RMDN2: variants seen among roughly 807,000 people sequenced by gnomAD.
RMDN2 encodes the protein regulator of microtubule dynamics protein 2.
A neutral mutation model predicts 52.8 loss-of-function variants in RMDN2; 61 were observed. That is an observed-to-expected ratio of 1.16 (90% CI 0.94 to 1.43). The LOEUF (loss-of-function observed/expected upper bound fraction) is 1.43, where lower values mean the gene tolerates loss of function less well. RMDN2 is among the 40% of genes most tolerant of loss of function. The pLI, the probability that RMDN2 is intolerant of heterozygous loss-of-function variation, is 0.00. For missense variants in RMDN2, 592 were observed against 475.3 expected, an observed-to-expected ratio of 1.25 and a Z score of -2.28; for synonymous variants, 180 against 153.1, an observed-to-expected ratio of 1.18 and a Z score of -1.30.
chr2:37,945,510 C>T (rs1025864043), intron 2 of RMDN2, among the ~76,000 whole-genome samples: 6 of 152,142 alleles, frequency 3.9e-5, no homozygotes, highest in African/African-American at 1.2e-4. Flanking sequence ...CTGGGTACCC[C>T]GATACCTTGG....
At chr2:38,012,853 C>T (rs148660926) in intron 10 of RMDN2, among the ~76,000 whole-genome samples, 56 of 152,346 alleles carry the variant, frequency 3.7e-4, no homozygotes, top group African/African-American at 1.2e-3. Flanking sequence ...TTTACTCTCT[C>T]GTGTGACATT....
intron 2 of RMDN2, 40 bp from the exon 3 acceptor site, chr2:37,974,000 T>A: frequency 3.3e-6 from 5 of 1,510,340 alleles, no homozygotes; most frequent in Non-Finnish European, 4.6e-6. Flanking sequence ...CTATTATACT[T>A]AACTTTCAAA....
chr2:37,996,604 A>G (rs950192035), intron 7 of RMDN2, among the ~76,000 whole-genome samples: 5 of 36,138 alleles, frequency 1.4e-4, no homozygotes, highest in Non-Finnish European at 1.9e-4. Context: ...AAAAAAAGAA[A>G]AAAAAAAAAA....
intron 2 of RMDN2, among the ~76,000 whole-genome samples, chr2:37,948,857 G>T (rs765163303): frequency 2.0e-5 from 3 of 152,038 alleles, no homozygotes; most frequent in Admixed American, 1.3e-4. Flanking sequence ...TTATTACCTC[G>T]ACTGAGCAGC....
chr2:37,997,684 G>T (rs1337387408), intron 8 of RMDN2, 170 bp downstream of exon 8: 2 of 584,164 alleles, frequency 3.4e-6, no homozygotes, highest in Admixed American at 6.1e-5. Flanking sequence ...TATGTTTTAA[G>T]TCTAAACTCC....
downstream of RMDN2, among the ~76,000 whole-genome samples, chr2:38,021,951 A>G (rs1288404111): frequency 6.6e-6 from 1 of 152,190 alleles, no homozygotes; most frequent in Admixed American, 6.5e-5. Flanking sequence ...TACATAGGAT[A>G]TTTTGTCAAT....
At chr2:37,936,913 C>G (rs536264376) in intron 2 of RMDN2, among the ~76,000 whole-genome samples, 1 of 152,292 alleles carries the variant, frequency 6.6e-6, no homozygotes, top group East Asian at 1.9e-4. Context: ...TCCCATTTGT[C>G]AATTTTGGCT....
At chr2:37,948,170 A>G (rs1425062815) in intron 2 of RMDN2, among the ~76,000 whole-genome samples, 6 of 152,180 alleles carry the variant, frequency 3.9e-5, no homozygotes, top group Non-Finnish European at 8.8e-5. Context: ...TTCTTAGGAC[A>G]TACCCCGGAC....
intron 10 of RMDN2, among the ~76,000 whole-genome samples, chr2:38,065,067 G>T (rs1682212447): frequency 6.6e-6 from 1 of 152,112 alleles, no homozygotes; most frequent in Admixed American, 6.6e-5. Flanking sequence ...CATCATTTAG[G>T]GGCTCACAAA....
At chr2:37,998,078 T>A (rs1310551421) in intron 8 of RMDN2, 1 of 152,454 alleles carries the variant, frequency 6.6e-6, no homozygotes, top group Non-Finnish European at 1.5e-5. Context: ...AATATATGTG[T>A]GTGTGAGCTC....
At chr2:38,035,506 G>A (rs777024682) in intron 10 of RMDN2, among the ~76,000 whole-genome samples, 2 of 151,960 alleles carry the variant, frequency 1.3e-5, no homozygotes, top group Non-Finnish European at 2.9e-5. Context: ...AAGCAATGAG[G>A]GGCAACAATA....
At chr2:37,940,110 G>A (rs1210321344) in intron 2 of RMDN2, among the ~76,000 whole-genome samples, 1 of 152,176 alleles carries the variant, frequency 6.6e-6, no homozygotes, top group Non-Finnish European at 1.5e-5. Context: ...TTGCTTGTCT[G>A]TAAAGGGTTT....
intron 10 of RMDN2, 151 bp downstream of exon 10, chr2:38,004,367 A>G (rs1410463268): frequency 1.6e-6 from 1 of 620,704 alleles, no homozygotes; most frequent in Non-Finnish European, 2.8e-6. Context: ...ATAATTGACA[A>G]AAACTATATG....
At chr2:38,061,981 C>G (rs1682071357) in intron 10 of RMDN2, among the ~76,000 whole-genome samples, 2 of 152,224 alleles carry the variant, frequency 1.3e-5, no homozygotes, top group Non-Finnish European at 2.9e-5. Flanking sequence ...ATCTCTAGGC[C>G]TGACCTTCTT....
At chr2:37,934,637 AC>A (rs1667137726) in intron 2 of RMDN2, among the ~76,000 whole-genome samples, 2 of 151,900 alleles carry the variant, frequency 1.3e-5, no homozygotes, top group Non-Finnish European at 2.9e-5. Flanking sequence ...ATAGTATTCG[AC>A]CCCAAAAGCT....
intron 6 of RMDN2, among the ~76,000 whole-genome samples, chr2:37,990,200 A>G (rs1194029546): frequency 6.6e-6 from 1 of 151,642 alleles, no homozygotes; most frequent in Non-Finnish European, 1.5e-5. Flanking sequence ...GTCACGGAGT[A>G]GATGAGTATC....
chr2:37,951,191 T>A, intron 2 of RMDN2: 1 of 1,513,542 alleles, frequency 6.6e-7, no homozygotes, highest in Non-Finnish European at 8.8e-7. Flanking sequence ...TCCACTCTGC[T>A]CCCTATTTTT....
chr2:38,063,753 G>T (rs116684378), intron 10 of RMDN2, among the ~76,000 whole-genome samples: 2,990 of 152,298 alleles, frequency 0.02, 96 homozygotes, highest in African/African-American at 0.068. Flanking sequence ...GATATGAACA[G>T]ACACTTCTCA....
intron 10 of RMDN2, among the ~76,000 whole-genome samples, chr2:38,005,133 A>G (rs200002107): frequency 6.6e-6 from 1 of 152,122 alleles, no homozygotes; most frequent in Non-Finnish European, 1.5e-5. Context: ...AGTCTTTGCT[A>G]TTGTGAATAG....
Sources: gnomAD v4.1 joint callset for allele counts (sites outside exome capture counted in the v4.1 genomes callset) on GRCh38, gnomAD v4.1.1 for gene constraint, MANE v1.5 for transcripts, NCBI Gene and HGNC (gene_info 2026-07-23, HGNC 2026-07-21) for gene names.